Variants in KHDRBS2 observed in about 807,000 individuals in gnomAD.
KHDRBS2 encodes KH RNA binding domain containing, signal transduction associated 2.
A neutral mutation model predicts 44.3 loss-of-function variants in KHDRBS2; 26 were observed. That is an observed-to-expected ratio of 0.59 (90% CI 0.43 to 0.81). The LOEUF (loss-of-function observed/expected upper bound fraction) is 0.81, where lower values mean the gene tolerates loss of function less well. KHDRBS2 is among the 40% of genes least tolerant of loss of function. The pLI is 0.00. For synonymous variants in KHDRBS2, 194 were observed against 151.1 expected, an observed-to-expected ratio of 1.28 and a Z score of -2.08; for missense variants, 476 against 433.1, an observed-to-expected ratio of 1.10 and a Z score of -0.88.
rs560523909 is a variant in KHDRBS2, at chr6:62,140,271, G to C, written c.219+36914C>G. On this transcript the variant is annotated intron_variant, in intron 2 of 8. Transcript: ENST00000281156. ...CCCCATGAAAAGTATTTCTGTGTAG[G>C]AGATAACAAGAGATGAGGCAGAAGA... Among the ~76,000 whole-genome samples the C allele has an allele frequency of 2.0e-5, 3 of 152,162 alleles. No homozygotes were observed. The South Asian group carries it at 6.2e-4, about 32-fold the overall frequency.
At chr6:61,592,444 A>T in the KHDRBS2 span, among the ~76,000 whole-genome samples, 5 of 152,154 alleles carry the variant, frequency 3.3e-5, no homozygotes, top group Non-Finnish European at 5.9e-5. Flanking sequence ...CCTCACAGGT[A>T]GCAGACCTCA....
At chr6:61,635,348 G>A in the KHDRBS2 span, among the ~76,000 whole-genome samples, 37 of 152,020 alleles carry the variant, frequency 2.4e-4, no homozygotes, top group African/African-American at 7.7e-4. Flanking sequence ...AGTGATGACT[G>A]GTCTGTCTCT....
At chr6:61,768,124 A>G (rs1780275537) in intron 6 of KHDRBS2, among the ~76,000 whole-genome samples, 1 of 152,150 alleles carries the variant, frequency 6.6e-6, no homozygotes, top group African/African-American at 2.4e-5. Flanking sequence ...TTCTAGGATA[A>G]AAGTATTCTT....
intron 1 of KHDRBS2, among the ~76,000 whole-genome samples, chr6:62,245,452 T>A (rs1480222705): frequency 6.6e-6 from 1 of 152,156 alleles, no homozygotes; most frequent in Non-Finnish European, 1.5e-5. Flanking sequence ...TAATTATGTT[T>A]GATTTTCTTT....
At chr6:62,189,145 G>GA (rs1824072712) in intron 1 of KHDRBS2, among the ~76,000 whole-genome samples, 1 of 151,502 alleles carries the variant, frequency 6.6e-6, no homozygotes, top group African/African-American at 2.4e-5. Context: ...AAAAAAAGAA[G>GA]AAGAAAGAAA....
chr6:61,865,384 A>C (rs1797624919), intron 6 of KHDRBS2, among the ~76,000 whole-genome samples: 1 of 152,168 alleles, frequency 6.6e-6, no homozygotes, highest in Admixed American at 6.6e-5. Flanking sequence ...GGTGGAAGGC[A>C]AGGAGGAGTA....
At chr6:62,034,096 A>G (rs1784824990) in intron 3 of KHDRBS2, among the ~76,000 whole-genome samples, 1 of 151,890 alleles carries the variant, frequency 6.6e-6, no homozygotes, top group Admixed American at 6.6e-5. Context: ...GACACAAATA[A>G]CCTACCAACA....
the KHDRBS2 span, among the ~76,000 whole-genome samples, chr6:61,638,059 T>G: frequency 6.6e-6 from 1 of 152,110 alleles, no homozygotes; most frequent in Admixed American, 6.6e-5. Context: ...TTGTCAATTT[T>G]GGCTTTGGTT....
chr6:61,807,241 A>G (rs1787308263), intron 6 of KHDRBS2, among the ~76,000 whole-genome samples: 1 of 152,090 alleles, frequency 6.6e-6, no homozygotes, highest in Non-Finnish European at 1.5e-5. Context: ...CAAATTAGTT[A>G]AGCCATCGTG....
intron 3 of KHDRBS2, among the ~76,000 whole-genome samples, chr6:62,022,623 T>C (rs530379119): frequency 6.6e-6 from 1 of 151,886 alleles, no homozygotes; most frequent in East Asian, 1.9e-4. Flanking sequence ...TTCTTTTCTA[T>C]TGTTAATTTC....
chr6:61,814,374 C>T (rs1292786897), intron 6 of KHDRBS2, among the ~76,000 whole-genome samples: 4 of 152,014 alleles, frequency 2.6e-5, no homozygotes, highest in South Asian at 2.1e-4. Context: ...TTTGGGAGGC[C>T]GAGGAGGGTG....
At chr6:61,960,775 G>A (rs749761823) in intron 4 of KHDRBS2, among the ~76,000 whole-genome samples, 51 of 152,036 alleles carry the variant, frequency 3.4e-4, no homozygotes, top group Non-Finnish European at 5.7e-4. Flanking sequence ...ATGTACATTT[G>A]AGAACAAATT....
intron 2 of KHDRBS2, among the ~76,000 whole-genome samples, chr6:62,169,240 T>C (rs1248468630): frequency 6.7e-6 from 1 of 149,482 alleles, no homozygotes; most frequent in East Asian, 2.0e-4. Flanking sequence ...TATATATGTG[T>C]GTATATATAT....
At chr6:61,593,103 T>C in the KHDRBS2 span, among the ~76,000 whole-genome samples, 31 of 152,310 alleles carry the variant, frequency 2.0e-4, no homozygotes, top group Non-Finnish European at 4.0e-4. Flanking sequence ...TTTAGTTGGA[T>C]TGGGCAGGCA....
chr6:61,850,783 G>A (rs1795298333), intron 6 of KHDRBS2, among the ~76,000 whole-genome samples: 1 of 152,106 alleles, frequency 6.6e-6, no homozygotes, highest in South Asian at 2.1e-4. Flanking sequence ...CTTTGAAGGA[G>A]ACAGTCATGA....
intron 6 of KHDRBS2, among the ~76,000 whole-genome samples, chr6:61,817,684 C>A (rs551210074): frequency 2.0e-5 from 3 of 152,084 alleles, no homozygotes; most frequent in African/African-American, 7.2e-5. Context: ...TTAGTGCCAA[C>A]TTAAAGCTGT....
At chr6:62,142,170 T>C (rs1812969076) in intron 2 of KHDRBS2, among the ~76,000 whole-genome samples, 1 of 152,068 alleles carries the variant, frequency 6.6e-6, no homozygotes, top group Non-Finnish European at 1.5e-5. Context: ...CAAGATACTC[T>C]AAAATAACAG....
At chr6:61,718,293 T>C (rs894072507) in intron 7 of KHDRBS2, among the ~76,000 whole-genome samples, 1 of 152,128 alleles carries the variant, frequency 6.6e-6, no homozygotes, top group African/African-American at 2.4e-5. Flanking sequence ...AATGTAGATA[T>C]GTATATTCAC....
chr6:62,202,980 G>T (rs552322848), intron 1 of KHDRBS2, among the ~76,000 whole-genome samples: 2 of 152,206 alleles, frequency 1.3e-5, no homozygotes, highest in African/African-American at 4.8e-5. Flanking sequence ...TTCCTCAAAA[G>T]AATGCAATCT....
Sources: gnomAD v4.1 joint callset for allele counts (sites outside exome capture counted in the v4.1 genomes callset) on GRCh38, gnomAD v4.1.1 for gene constraint, MANE v1.5 for transcripts, NCBI Gene and HGNC (gene_info 2026-07-23, HGNC 2026-07-21) for gene names.